Variants in TNIP3 observed in about 807,000 individuals in gnomAD.
TNIP3 encodes the protein TNFAIP3 interacting protein 3.
A neutral mutation model predicts 54.1 loss-of-function variants in TNIP3; 34 were observed. The ratio of observed to expected loss-of-function variants is 0.63; its 90% CI spans 0.48 to 0.84. TNIP3 has a LOEUF of 0.84. TNIP3 is among the 40% of genes least tolerant of loss of function. The probability of loss-of-function intolerance (pLI) is 0.00; values close to 1 mark genes in which losing one functional copy is unlikely to be tolerated. For synonymous variants in TNIP3, 134 were observed against 136.8 expected, an observed-to-expected ratio of 0.98 and a Z score of 0.14; for missense variants, 366 against 387.6, an observed-to-expected ratio of 0.94 and a Z score of 0.47.
At position 121,145,337 on chromosome 4, in the gene TNIP3, T is replaced by A. The variant is rs569760412; in HGVS notation, c.735+1712A>T. 2.2e-4 allele frequency among the ~76,000 whole-genome samples: 33 copies of A among 152,210 alleles called. No individual in the cohort carries two copies. In the South Asian group the frequency reaches 5.4e-3, roughly 25 times the overall value. On this transcript the variant is annotated intron_variant, in intron 7 of 10. Transcript: ENST00000057513. ...AGCTTTCATTATTTTAAAGAAAAAA[T>A]TTCATAGCTTTAATCTATCACTTTA...
chr4:121,204,668 C>T (rs1286066037), intron 2 of TNIP3, among the ~76,000 whole-genome samples: 3 of 152,084 alleles, frequency 2.0e-5, no homozygotes, highest in Non-Finnish European at 4.4e-5. Context: ...ATAGAAATAC[C>T]TGTCTAGATA....
intron 1 of TNIP3, among the ~76,000 whole-genome samples, chr4:121,221,635 G>GA (rs1158080495): frequency 4.6e-5 from 7 of 152,088 alleles, no homozygotes; most frequent in African/African-American, 1.7e-4. Context: ...TGGAGGAGAG[G>GA]AAAATTACAC....
chr4:121,155,736 C>A (rs1408715466), intron 4 of TNIP3, among the ~76,000 whole-genome samples: 1 of 151,814 alleles, frequency 6.6e-6, no homozygotes, highest in Non-Finnish European at 1.5e-5. Flanking sequence ...AGATTTTAAC[C>A]CAGTAAAATA....
At chr4:121,170,855 G>T (rs778524000) in intron 3 of TNIP3, among the ~76,000 whole-genome samples, 1 of 151,818 alleles carries the variant, frequency 6.6e-6, no homozygotes, top group African/African-American at 2.4e-5. Context: ...TTGCTCTGTC[G>T]CTCAAGCTGG....
chr4:121,163,921 G>A, intron 1 of TNIP3, 139 bp downstream of exon 1: 1 of 905,914 alleles, frequency 1.1e-6, no homozygotes, highest in Non-Finnish European at 1.5e-6. Flanking sequence ...ACATAATTTT[G>A]GTTAAAAATA....
At chr4:121,217,313 C>T (rs973025915), upstream of TNIP3, among the ~76,000 whole-genome samples, 8 of 152,110 alleles carry the variant, frequency 5.3e-5, no homozygotes, top group Non-Finnish European at 7.4e-5. Context: ...CCATGGGAAA[C>T]ACGAAGCCAG....
At chr4:121,182,012 T>C (rs1724743497) in intron 3 of TNIP3, among the ~76,000 whole-genome samples, 1 of 152,172 alleles carries the variant, frequency 6.6e-6, no homozygotes, top group African/African-American at 2.4e-5. Flanking sequence ...CCAGCCATGC[T>C]CTCAAACTAC....
chr4:121,168,465 C>T (rs1215587289), upstream of TNIP3, among the ~76,000 whole-genome samples: 2 of 151,682 alleles, frequency 1.3e-5, no homozygotes, highest in African/African-American at 2.4e-5. Flanking sequence ...TCCCAAAGTG[C>T]TGGGATTACA....
At chr4:121,206,049 G>A (rs1726171572) in intron 2 of TNIP3, among the ~76,000 whole-genome samples, 1 of 152,140 alleles carries the variant, frequency 6.6e-6, no homozygotes, top group South Asian at 2.1e-4. Context: ...CTTGAGAACA[G>A]CATGGGGGTA....
At chr4:121,132,768 A>G in intron 10 of TNIP3, 106 bp from the exon 11 acceptor site, 1 of 919,662 alleles carries the variant, frequency 1.1e-6, no homozygotes, top group Non-Finnish European at 1.7e-6. Context: ...AAAAAAAAAA[A>G]AGTTATGTTA....
chr4:121,147,283 C>G (rs1729489097), intron 6 of TNIP3, 109 bp from the exon 7 acceptor site: 2 of 1,342,766 alleles, frequency 1.5e-6, no homozygotes, highest in Non-Finnish European at 2.0e-6. Flanking sequence ...AAGAACCCTC[C>G]CAACTAGTGT....
intron 2 of TNIP3, chr4:121,182,883 G>A (rs1560676563): frequency 1.5e-6 from 2 of 1,350,562 alleles, no homozygotes; most frequent in South Asian, 2.7e-5. Flanking sequence ...ATGACATGGA[G>A]GTGTTATTTA....
intron 9 of TNIP3, among the ~76,000 whole-genome samples, chr4:121,140,927 T>C (rs1729081230): frequency 1.3e-5 from 2 of 152,094 alleles, no homozygotes; most frequent in African/African-American, 4.8e-5. Context: ...CATTATCTCC[T>C]CCCTTGGGAA....
chr4:121,206,970 A>C (rs1726225698), intron 2 of TNIP3, among the ~76,000 whole-genome samples: 1 of 152,192 alleles, frequency 6.6e-6, no homozygotes, highest in Admixed American at 6.6e-5. Flanking sequence ...TTCAATTTAA[A>C]ATAGAAATAA....
chr4:121,138,553 G>A lies in TNIP3; in HGVS notation c.946+71C>T. On this transcript the variant is annotated intron_variant, in intron 10 of 10. Coordinates refer to ENST00000057513, the MANE Select transcript of TNIP3 (RefSeq NM_024873.6). ...CCCCAAGTACGAATGAATGTATGTT[G>A]AGTAAACATCCCCAAAAGATCCCAT... 5.0e-6 allele frequency: 7 copies of A among 1,404,782 alleles called. No individual in the cohort carries two copies. The South Asian group carries it at 5.8e-5, about 12-fold the overall frequency. 87.0% of individuals were successfully genotyped at this position (1,404,782 alleles called of 1,614,324 possible).
intron 5 of TNIP3, among the ~76,000 whole-genome samples, chr4:121,152,949 A>C (rs1451770827): frequency 6.6e-6 from 1 of 152,194 alleles, no homozygotes; most frequent in Admixed American, 6.5e-5. Context: ...GCTAGAAAAC[A>C]AATAAAGTCA....
chr4:121,146,815 A>T (rs1032540006), intron 7 of TNIP3, among the ~76,000 whole-genome samples: 2 of 152,038 alleles, frequency 1.3e-5, no homozygotes, highest in Admixed American at 6.6e-5. Context: ...GTATTTTATT[A>T]AAAAAAACTT....
chr4:121,178,350 C>T (rs36070539), intron 3 of TNIP3, among the ~76,000 whole-genome samples: 1 of 152,178 alleles, frequency 6.6e-6, no homozygotes, highest in Non-Finnish European at 1.5e-5. Context: ...CAGCTAAAAC[C>T]TGAACAACGA....
intron 6 of TNIP3, among the ~76,000 whole-genome samples, chr4:121,149,182 C>T (rs866635247): frequency 4.6e-5 from 7 of 152,220 alleles, no homozygotes; most frequent in South Asian, 2.1e-4. Context: ...TAGATACATG[C>T]GGAAGTTGTA....
Sources: allele counts gnomAD v4.1 joint callset (sites outside exome capture counted in the v4.1 genomes callset), GRCh38; gene constraint gnomAD v4.1.1; transcripts MANE v1.5; gene names NCBI Gene and HGNC (gene_info 2026-07-23, HGNC 2026-07-21).